Variants in LRP1B observed in about 807,000 individuals in gnomAD.
LRP1B encodes LDL receptor related protein 1B.
LRP1B carries 217 observed loss-of-function variants against 556.6 expected under a neutral mutation model. The ratio of observed to expected loss-of-function variants is 0.39; its 90% confidence interval spans 0.35 to 0.44. The LOEUF is 0.44. LRP1B is among the 20% of genes least tolerant of loss of function. The probability of loss-of-function intolerance (pLI) is 1.00; values close to 1 mark genes in which losing one functional copy is unlikely to be tolerated. For missense variants in LRP1B, 5,053 were observed against 5,620.8 expected (o/e 0.90, Z 3.23); for synonymous variants, 2,047 against 1,865.8 (o/e 1.10, Z -2.50).
chr2:141,859,400 A>G (rs1443079393), intron 1 of LRP1B, among the ~76,000 whole-genome samples: 5 of 152,208 alleles, frequency 3.3e-5, no homozygotes, highest in Admixed American at 6.5e-5. Context: ...AGACAAGTCA[A>G]GTTTAAATAT....
intron 7 of LRP1B, among the ~76,000 whole-genome samples, chr2:141,112,439 G>T (rs1273715281): frequency 6.6e-6 from 1 of 152,058 alleles, no homozygotes; most frequent in Non-Finnish European, 1.5e-5. Context: ...TAGTGCTGAG[G>T]TGCTGTCTAA....
intron 41 of LRP1B, among the ~76,000 whole-genome samples, chr2:140,660,360 G>T (rs553849088): frequency 6.6e-6 from 1 of 152,060 alleles, no homozygotes; most frequent in African/African-American, 2.4e-5. Flanking sequence ...ACTGTACTAT[G>T]ATTTTGTTTA....
At chr2:140,417,925 C>T (rs117829215) in intron 66 of LRP1B, among the ~76,000 whole-genome samples, 9 of 152,286 alleles carry the variant, frequency 5.9e-5, no homozygotes, top group South Asian at 2.1e-4. Flanking sequence ...AGAGCACACA[C>T]GTCTCCTCAC....
chr2:141,781,909 G>C (rs1186461381), intron 2 of LRP1B, among the ~76,000 whole-genome samples: 3 of 152,050 alleles, frequency 2.0e-5, no homozygotes, highest in Non-Finnish European at 4.4e-5. Flanking sequence ...ATTTCTTAAA[G>C]CGTTTTCCCA....
chr2:141,204,772 A>C (rs890024041), intron 6 of LRP1B, among the ~76,000 whole-genome samples: 6 of 152,050 alleles, frequency 3.9e-5, no homozygotes, highest in Admixed American at 3.9e-4. Context: ...CCCCGTCTCT[A>C]CTAAAAATAC....
At chr2:141,923,067 C>A (rs1194364663) in intron 1 of LRP1B, among the ~76,000 whole-genome samples, 1 of 151,824 alleles carries the variant, frequency 6.6e-6, no homozygotes, top group Non-Finnish European at 1.5e-5. Context: ...CCACTGCACT[C>A]CAGCCTGGGT....
At chr2:141,691,216 C>A (rs116441628) in intron 2 of LRP1B, among the ~76,000 whole-genome samples, 9 of 151,790 alleles carry the variant, frequency 5.9e-5, no homozygotes, top group Non-Finnish European at 1.2e-4. Context: ...TATTAGATGT[C>A]AGCTGAAAAA....
intron 21 of LRP1B, among the ~76,000 whole-genome samples, chr2:140,911,525 A>G (rs1315288309): frequency 2.0e-5 from 3 of 151,838 alleles, no homozygotes; most frequent in African/African-American, 4.8e-5. Flanking sequence ...GTAAAAAATT[A>G]TATGTTGAAT....
intron 1 of LRP1B, among the ~76,000 whole-genome samples, chr2:142,099,371 C>T (rs1031247925): frequency 4.0e-5 from 6 of 151,756 alleles, no homozygotes; most frequent in African/African-American, 1.2e-4. Flanking sequence ...GGCTACAAAC[C>T]TATTTTATAC....
At chr2:140,612,627 T>C (rs1683109356) in intron 41 of LRP1B, among the ~76,000 whole-genome samples, 1 of 152,144 alleles carries the variant, frequency 6.6e-6, no homozygotes, top group Non-Finnish European at 1.5e-5. Context: ...TTCATTATGG[T>C]GGAATTTAAT....
At chr2:141,829,348 T>C (rs936713570) in intron 1 of LRP1B, among the ~76,000 whole-genome samples, 1 of 152,080 alleles carries the variant, frequency 6.6e-6, no homozygotes, top group African/African-American at 2.4e-5. Context: ...AAAGAGCGTA[T>C]AACTAACGCA....
At chr2:141,750,131 A>G (rs907413923) in intron 2 of LRP1B, among the ~76,000 whole-genome samples, 1 of 152,056 alleles carries the variant, frequency 6.6e-6, no homozygotes, top group Non-Finnish European at 1.5e-5. Context: ...CTCAGTAGAG[A>G]TATATAGTGT....
chr2:141,275,747 T>C (rs1685262321), intron 3 of LRP1B, among the ~76,000 whole-genome samples: 1 of 152,058 alleles, frequency 6.6e-6, no homozygotes, highest in African/African-American at 2.4e-5. Flanking sequence ...AGTATAAGCA[T>C]GTTATTTTTT....
At chr2:141,153,064 A>T (rs1459712561) in intron 7 of LRP1B, among the ~76,000 whole-genome samples, 1 of 149,770 alleles carries the variant, frequency 6.7e-6, no homozygotes, top group African/African-American at 2.4e-5. Context: ...CACCTTAAAT[A>T]TTATCATGAA....
intron 43 of LRP1B, among the ~76,000 whole-genome samples, chr2:140,567,250 CT>C (rs1424957909): frequency 6.6e-6 from 1 of 152,106 alleles, no homozygotes; most frequent in African/African-American, 2.4e-5. Context: ...CAGCTGTGTT[CT>C]GCCATTTTGG....
intron 2 of LRP1B, among the ~76,000 whole-genome samples, chr2:141,782,735 C>A (rs1299406490): frequency 2.0e-5 from 3 of 151,880 alleles, no homozygotes; most frequent in African/African-American, 7.3e-5. Flanking sequence ...AGCATATGGT[C>A]AATGAGGAAT....
At chr2:140,493,343 G>A (rs531483333) in intron 56 of LRP1B, among the ~76,000 whole-genome samples, 8 of 152,198 alleles carry the variant, frequency 5.3e-5, no homozygotes, top group East Asian at 3.9e-4. Context: ...GGGAAAGAGC[G>A]TGATAAAGAT....
intron 3 of LRP1B, among the ~76,000 whole-genome samples, chr2:141,468,096 G>T (rs1314594371): frequency 6.6e-6 from 1 of 152,084 alleles, no homozygotes; most frequent in Non-Finnish European, 1.5e-5. Context: ...AGGCACATTT[G>T]CATGAAAAGC....
At chr2:142,108,967 T>C (rs1574694300) in intron 1 of LRP1B, among the ~76,000 whole-genome samples, 1 of 152,314 alleles carries the variant, frequency 6.6e-6, no homozygotes, top group East Asian at 1.9e-4. Flanking sequence ...ATCACTTGTA[T>C]ATTTTGCCCA....
Sources: allele counts gnomAD v4.1 joint callset (sites outside exome capture counted in the v4.1 genomes callset), GRCh38; gene constraint gnomAD v4.1.1; transcripts MANE v1.5; gene names NCBI Gene and HGNC (gene_info 2026-07-23, HGNC 2026-07-21).